The following TMEM132B variants were observed in gnomAD, a reference collection of about 807,000 sequenced individuals.
TMEM132B encodes the protein transmembrane protein 132B.
A neutral mutation model predicts 90.8 loss-of-function variants in TMEM132B; 18 were observed. The ratio of observed to expected loss-of-function variants is 0.20; its 90% CI spans 0.14 to 0.29. The LOEUF (loss-of-function observed/expected upper bound fraction) is 0.29, where lower values mean the gene tolerates loss of function less well. TMEM132B is among the 10% of genes least tolerant of loss of function. TMEM132B has a pLI of 1.00. For synonymous variants in TMEM132B, 504 were observed against 523.3 expected (o/e 0.96, Z 0.50); for missense variants, 1,096 against 1,326.8 (o/e 0.83, Z 2.70).
intron 3 of TMEM132B, among the ~76,000 whole-genome samples, chr12:125,479,794 A>T (rs1271047892): frequency 6.6e-6 from 1 of 152,106 alleles, no homozygotes; most frequent in African/African-American, 2.4e-5. Flanking sequence ...CCCCAAATCA[A>T]CAGAATATAC....
chr12:125,593,995 C>G (rs1196888837), intron 5 of TMEM132B, among the ~76,000 whole-genome samples: 1 of 152,106 alleles, frequency 6.6e-6, no homozygotes, highest in Non-Finnish European at 1.5e-5. Flanking sequence ...TCACCAAAAT[C>G]AAAATAGTGA....
At chr12:125,606,622 G>C (rs970802972) in intron 5 of TMEM132B, among the ~76,000 whole-genome samples, 1 of 152,234 alleles carries the variant, frequency 6.6e-6, no homozygotes, top group Non-Finnish European at 1.5e-5. Flanking sequence ...GTATACTCCA[G>C]CATCAGGCAT....
rs187047577 is a variant in TMEM132B at position 125,505,004 on chromosome 12, A to G, written c.1107-14435A>G. 9.2e-4 allele frequency among the ~76,000 whole-genome samples: 140 copies of G among 152,196 alleles called. 1 individual carries two copies. The Middle Eastern group carries it at 0.024, about 26-fold the overall frequency. On this transcript the variant is annotated intron_variant, in intron 3 of 8. Transcript: ENST00000682704. ...GCATTATGAAGACTCCAGGAAGCTCAGCTTAACTCCCTATTTAATAAAAAA... is the reference window on the plus strand; with the variant it reads ...GCATTATGAAGACTCCAGGAAGCTCGGCTTAACTCCCTATTTAATAAAAAA...
intron 2 of TMEM132B, among the ~76,000 whole-genome samples, chr12:125,404,642 T>G (rs1200550611): frequency 1.3e-5 from 2 of 152,244 alleles, no homozygotes; most frequent in Non-Finnish European, 2.9e-5. Context: ...TAGATAGTGT[T>G]ATTATCCACA....
rs76887936 is a variant in TMEM132B at position 125,199,020 on chromosome 12, C to T, written c.67+12154C>T. The stretch of plus-strand genomic sequence containing the variant: ...GATTAGAGTAGCATCTGGTCTTTGA[C>T]CCAGCAATCCCACTTCTGGGAATTC... On this transcript the variant is annotated intron_variant, in intron 1 of 8. Transcript: ENST00000682704. 4.4e-3 allele frequency among the ~76,000 whole-genome samples: 674 copies of T among 152,292 alleles called. 4 individuals carry two copies. Among genetic ancestry groups the T allele is most frequent in the African/African-American group, 0.015 (642 of 41,556 alleles).
At chr12:125,228,641 T>TG (rs1873737816) in intron 1 of TMEM132B, among the ~76,000 whole-genome samples, 1 of 152,078 alleles carries the variant, frequency 6.6e-6, no homozygotes, top group Non-Finnish European at 1.5e-5. Flanking sequence ...TTGGAACGTG[T>TG]GGGGACATGG....
intron 2 of TMEM132B, among the ~76,000 whole-genome samples, chr12:125,381,859 C>A (rs891839286): frequency 6.6e-6 from 1 of 152,114 alleles, no homozygotes; most frequent in Non-Finnish European, 1.5e-5. Flanking sequence ...TCTATGGATG[C>A]CAATGGGAAA....
intron 1 of TMEM132B, among the ~76,000 whole-genome samples, chr12:125,188,863 A>AG (rs1957777693): frequency 1.0e-5 from 1 of 98,508 alleles, no homozygotes; most frequent in East Asian, 5.8e-4. Context: ...AAAAAAAAAA[A>AG]AAAAAAAAAA....
intron 3 of TMEM132B, among the ~76,000 whole-genome samples, chr12:125,506,906 A>G (rs1882859752): frequency 6.6e-6 from 1 of 152,258 alleles, no homozygotes; most frequent in Non-Finnish European, 1.5e-5. Context: ...TGAGTGCCCA[A>G]TAAGTTAGGA....
chr12:125,261,623 A>G (rs761086253), intron 1 of TMEM132B, among the ~76,000 whole-genome samples: 7 of 152,230 alleles, frequency 4.6e-5, no homozygotes, highest in Non-Finnish European at 1.0e-4. Flanking sequence ...AATTGTCATT[A>G]GTAGCTATGT....
intron 1 of TMEM132B, among the ~76,000 whole-genome samples, chr12:125,243,032 T>TATATATATATATATATATATATAC (rs1215676534): frequency 4.1e-4 from 56 of 135,006 alleles, no homozygotes; most frequent in Non-Finnish European, 6.8e-4. Context: ...TATATATATA[T>TATATATATATATATATATATATAC]ACACACACAC....
At chr12:125,303,490 G>A (rs1205151507) in intron 1 of TMEM132B, among the ~76,000 whole-genome samples, 1 of 152,176 alleles carries the variant, frequency 6.6e-6, no homozygotes, top group Non-Finnish European at 1.5e-5. Context: ...CAGATCTTTA[G>A]GGTCTATAGC....
At chr12:125,473,693 A>G (rs1881782260) in intron 3 of TMEM132B, among the ~76,000 whole-genome samples, 3 of 152,178 alleles carry the variant, frequency 2.0e-5, no homozygotes, top group Admixed American at 2.0e-4. Flanking sequence ...ATCTGGGAGG[A>G]TAGCACTGCC....
At chr12:125,430,675 T>A (rs1880474280) in intron 3 of TMEM132B, among the ~76,000 whole-genome samples, 1 of 152,194 alleles carries the variant, frequency 6.6e-6, no homozygotes, top group South Asian at 2.1e-4. Context: ...GTTCAGCAGA[T>A]GTCTATCAAG....
chr12:125,644,166 A>G lies in TMEM132B; in HGVS notation c.1528A>G (p.Thr510Ala), dbSNP rs1886699847. 6.2e-7 allele frequency: 1 copy of G among 1,614,046 alleles called. No individual in the cohort carries two copies. Among genetic ancestry groups the G allele is most frequent in the Non-Finnish European group, 8.5e-7 (1 of 1,180,018 alleles). ...TIVNFTHQHF[T>A]SQFEVTVWAP... is the part of the protein sequence containing the mutation. Reference sequence around the variant, plus strand: ...TGTGAACTTCACCCACCAGCACTTCACCTCCCAGTTCGAGGTCACTGTCTG... The same window carrying G: ...TGTGAACTTCACCCACCAGCACTTCGCCTCCCAGTTCGAGGTCACTGTCTG... Residue 510 changes from threonine (T) to alanine (A), a missense_variant, in exon 6 of 9, where the codon ACC (threonine) becomes GCC (alanine). By Grantham distance (58) the Thr-to-Ala change is moderately conservative. Transcript: ENST00000682704.
At chr12:125,622,757 C>A in intron 5 of TMEM132B, 1 of 710,230 alleles carries the variant, frequency 1.4e-6, no homozygotes, top group Non-Finnish European at 1.7e-6. Context: ...GTGGGGAGGA[C>A]ATCATTTGTA....
At chr12:125,249,368 C>T (rs1255805264) in intron 1 of TMEM132B, among the ~76,000 whole-genome samples, 1 of 152,130 alleles carries the variant, frequency 6.6e-6, no homozygotes, top group Non-Finnish European at 1.5e-5. Flanking sequence ...CTCTGAGAAC[C>T]ACCGAGTGAA....
chr12:125,286,150 T>G (rs1875349918), intron 1 of TMEM132B, among the ~76,000 whole-genome samples: 1 of 152,244 alleles, frequency 6.6e-6, no homozygotes, highest in African/African-American at 2.4e-5. Flanking sequence ...ATTTTATCTT[T>G]GTTTGGCGGA....
intron 1 of TMEM132B, among the ~76,000 whole-genome samples, chr12:125,211,359 A>G (rs982194293): frequency 7.9e-5 from 12 of 152,180 alleles, no homozygotes; most frequent in African/African-American, 2.9e-4. Context: ...CTCCTGCCCC[A>G]AATATGTGTT....
Sources: allele counts gnomAD v4.1 joint callset (sites outside exome capture counted in the v4.1 genomes callset), GRCh38; gene constraint gnomAD v4.1.1; transcripts MANE v1.5; gene names NCBI Gene and HGNC (gene_info 2026-07-23, HGNC 2026-07-21).